TET3: variants seen among roughly 807,000 people sequenced by gnomAD.
The protein encoded by TET3 is tet methylcytosine dioxygenase 3.
In TET3, 19 loss-of-function variants were observed where a neutral mutation model predicts 141.4. That is an observed-to-expected ratio of 0.13 (90% CI 0.09 to 0.20). The LOEUF is 0.20. Among genes scored for constraint, TET3 ranks in the 10% least tolerant of loss-of-function variants. The pLI, the probability that TET3 is intolerant of heterozygous loss-of-function variation, is 1.00. For synonymous variants in TET3, 1,043 were observed against 980.9 expected (o/e 1.06, Z -1.18); for missense variants, 1,874 against 2,356.9 (o/e 0.80, Z 4.24).
At chr2:74,131,215 A>G in the TET3 span, among the ~76,000 whole-genome samples, 395 of 152,102 alleles carry the variant, frequency 2.6e-3, 3 homozygotes, top group African/African-American at 9.0e-3. Flanking sequence ...CTTTACTTCA[A>G]TGCCTGCTTT....
chr2:74,080,899 G>C (rs909101006), intron 6 of TET3, among the ~76,000 whole-genome samples: 1 of 152,136 alleles, frequency 6.6e-6, no homozygotes, highest in Admixed American at 6.5e-5. Context: ...TCCTGTCCCC[G>C]TGGCTCAGGG....
chr2:74,041,787 T>G (rs1687351798), intron 3 of TET3, among the ~76,000 whole-genome samples: 1 of 152,212 alleles, frequency 6.6e-6, no homozygotes, highest in African/African-American at 2.4e-5. Context: ...GGATTTTACC[T>G]CTTCTGATTC....
chr2:74,089,041 A>G (rs1690324044), intron 7 of TET3, among the ~76,000 whole-genome samples: 1 of 144,100 alleles, frequency 6.9e-6, no homozygotes, highest in African/African-American at 2.6e-5. Context: ...AGATCGTGCC[A>G]TTGCACTCCA....
intron 2 of TET3, among the ~76,000 whole-genome samples, chr2:73,987,603 C>T (rs1009040089): frequency 1.3e-5 from 2 of 152,172 alleles, no homozygotes; most frequent in African/African-American, 2.4e-5. Context: ...GCGGTGTAGC[C>T]GCTGAGGTCG....
intron 6 of TET3, among the ~76,000 whole-genome samples, chr2:74,085,882 G>A (rs1032958861): frequency 2.6e-5 from 4 of 152,178 alleles, no homozygotes; most frequent in Non-Finnish European, 5.9e-5. Context: ...GCCACAAAGT[G>A]TGGAAGTCAC....
At chr2:74,016,061 A>G (rs1018558198) in intron 3 of TET3, among the ~76,000 whole-genome samples, 3 of 152,114 alleles carry the variant, frequency 2.0e-5, no homozygotes, top group African/African-American at 7.2e-5. Flanking sequence ...TATTATCAAT[A>G]TTAATTTCTT....
At chr2:74,073,502 T>C (rs550874886) in intron 4 of TET3, 47 bp from the exon 5 acceptor site, 1 of 1,429,198 alleles carries the variant, frequency 7.0e-7, no homozygotes, top group African/African-American at 1.5e-5. Context: ...TAAATTAATA[T>C]TGACTAATTG....
chr2:74,010,391 C>T (rs1685367162), intron 3 of TET3, among the ~76,000 whole-genome samples: 1 of 152,216 alleles, frequency 6.6e-6, no homozygotes, highest in Non-Finnish European at 1.5e-5. Context: ...CACTTCATCC[C>T]TAAGCTCACC....
the TET3 span, among the ~76,000 whole-genome samples, chr2:74,129,869 G>A: frequency 2.6e-5 from 4 of 151,380 alleles, no homozygotes; most frequent in African/African-American, 7.3e-5. Flanking sequence ...CGAGGTGGAC[G>A]GATTACCTGA....
chr2:74,012,080 C>G (rs911749548), intron 3 of TET3, among the ~76,000 whole-genome samples: 4 of 152,194 alleles, frequency 2.6e-5, no homozygotes, highest in Admixed American at 6.5e-5. Context: ...CCTGCCTCAG[C>G]CTCCTGAGTA....
At chr2:74,042,625 C>T (rs1290140900) in intron 3 of TET3, among the ~76,000 whole-genome samples, 1 of 152,246 alleles carries the variant, frequency 6.6e-6, no homozygotes, top group Non-Finnish European at 1.5e-5. Flanking sequence ...GACCCCATGA[C>T]TCAAAGCACT....
the TET3 span, among the ~76,000 whole-genome samples, chr2:74,119,302 G>A: frequency 6.7e-5 from 10 of 149,700 alleles, no homozygotes; most frequent in East Asian, 2.0e-4. Flanking sequence ...GCAGTGAGCC[G>A]AGATCGCACC....
chr2:74,061,794 T>A (rs13423734), intron 4 of TET3, among the ~76,000 whole-genome samples: 1 of 73,998 alleles, frequency 1.4e-5, no homozygotes, highest in African/African-American at 6.1e-5. Context: ...CGCGGCCGGG[T>A]AGAGGCGCTC....
intron 2 of TET3, among the ~76,000 whole-genome samples, chr2:74,000,988 G>C (rs1435620934): frequency 1.3e-5 from 2 of 152,116 alleles, no homozygotes; most frequent in Non-Finnish European, 1.5e-5. Flanking sequence ...TAGGTGTGAG[G>C]GCAGGGGTTT....
At chr2:74,086,880 CA>C (rs1349353562) in intron 6 of TET3, among the ~76,000 whole-genome samples, 1 of 149,904 alleles carries the variant, frequency 6.7e-6, no homozygotes, top group African/African-American at 2.5e-5. Flanking sequence ...GCATTAAGTA[CA>C]TTCACGTTGT....
At chr2:74,113,030 A>C (rs571203085), downstream of TET3, among the ~76,000 whole-genome samples, 622 of 148,458 alleles carry the variant, frequency 4.2e-3, 13 homozygotes, top group African/African-American at 0.015. Context: ...AAAAAAAAAA[A>C]AAAAACCCAC....
At chr2:74,072,016 T>C (rs1689234018) in intron 4 of TET3, among the ~76,000 whole-genome samples, 1 of 152,108 alleles carries the variant, frequency 6.6e-6, no homozygotes, top group Non-Finnish European at 1.5e-5. Context: ...TACAACCACA[T>C]CTCCCTCCAG....
intron 5 of TET3, among the ~76,000 whole-genome samples, chr2:74,077,616 CTGTTTT>C (rs113130294): frequency 0.045 from 6,820 of 152,074 alleles, 525 homozygotes; most frequent in African/African-American, 0.15. Flanking sequence ...ACAGTCAGTT[CTGTTTT>C]TGTTTTTGTT....
rs551608975 is a variant in TET3 at position 74,061,217 on chromosome 2, G to A, written c.2495-12332G>A. Among the ~76,000 whole-genome samples the A allele has an allele frequency of 6.8e-3, 998 of 147,266 alleles. 8 individuals are homozygous for A. The highest frequency in any genetic ancestry group is 0.014 in the Admixed American group (212 of 15,014). On this transcript the variant is annotated intron_variant, in intron 4 of 11. Coordinates refer to ENST00000409262, the MANE Select transcript of TET3 (RefSeq NM_001287491.2). Reference sequence around the variant, plus strand: ...GGCTGACCCCCCCACCTCCCTCCCGGACGGGGTGGCTGGCCGGGCGGGGGG... The same window carrying A: ...GGCTGACCCCCCCACCTCCCTCCCGAACGGGGTGGCTGGCCGGGCGGGGGG...
Sources: allele counts gnomAD v4.1 joint callset (sites outside exome capture counted in the v4.1 genomes callset), GRCh38; gene constraint gnomAD v4.1.1; transcripts MANE v1.5; gene names NCBI Gene and HGNC (gene_info 2026-07-23, HGNC 2026-07-21).